Variants in BTRC observed in about 807,000 individuals in gnomAD.
BTRC encodes the protein F-box/WD repeat-containing protein 1A.
In BTRC, 42 loss-of-function variants were observed where a neutral mutation model predicts 85.5. The observed-to-expected ratio is 0.49, with a 90% CI of 0.38 to 0.64. The LOEUF is 0.64. Ranked by LOEUF, BTRC falls within the 30% of genes least tolerant of loss-of-function variation. BTRC has a pLI of 0.00. For missense variants in BTRC, 594 were observed against 743.5 expected (o/e 0.80, Z 2.34); for synonymous variants, 255 against 263.3 (o/e 0.97, Z 0.30).
intron 2 of BTRC, among the ~76,000 whole-genome samples, chr10:101,441,864 A>G (rs889110193): frequency 7.6e-6 from 1 of 131,518 alleles, no homozygotes; most frequent in African/African-American, 2.8e-5. Flanking sequence ...CCTGGGTGAC[A>G]GAGTGAGACT....
chr10:101,389,216 C>T (rs911444614), intron 1 of BTRC, among the ~76,000 whole-genome samples: 6 of 131,588 alleles, frequency 4.6e-5, no homozygotes, highest in African/African-American at 1.7e-4. Context: ...AACCTGGAAT[C>T]ATCATTGGCT....
At chr10:101,459,820 TGAGTATGGG>T (rs1179237947) in intron 2 of BTRC, among the ~76,000 whole-genome samples, 1 of 152,132 alleles carries the variant, frequency 6.6e-6, no homozygotes, top group Non-Finnish European at 1.5e-5. Context: ...AAGAAAATTG[TGAGTATGGG>T]CTAGTCAATA....
chr10:101,462,140 T>C, intron 3 of BTRC, 82 bp downstream of exon 3: 1 of 1,154,194 alleles, frequency 8.7e-7, no homozygotes, highest in Non-Finnish European at 1.3e-6. Context: ...TTTGCCATTC[T>C]TTAAGCACTG....
intron 1 of BTRC, among the ~76,000 whole-genome samples, chr10:101,426,184 G>A (rs1166351066): frequency 6.6e-6 from 1 of 152,168 alleles, no homozygotes; most frequent in African/African-American, 2.4e-5. Context: ...AAAAGTTATA[G>A]CCCACTCCAT....
chr10:101,483,317 G>A (rs768786854), intron 4 of BTRC, among the ~76,000 whole-genome samples: 3 of 152,140 alleles, frequency 2.0e-5, no homozygotes, highest in Admixed American at 6.5e-5. Flanking sequence ...AAAAATGGCC[G>A]GGCACGGTGG....
At chr10:101,495,543 G>T (rs1371384226) in intron 4 of BTRC, among the ~76,000 whole-genome samples, 5 of 152,220 alleles carry the variant, frequency 3.3e-5, no homozygotes, top group Non-Finnish European at 2.9e-5. Flanking sequence ...CTCTAACCTT[G>T]TTCAGAGTGG....
intron 6 of BTRC, among the ~76,000 whole-genome samples, chr10:101,529,159 G>T (rs922619863): frequency 1.3e-5 from 2 of 152,200 alleles, no homozygotes; most frequent in Non-Finnish European, 2.9e-5. Context: ...TCACATAGAA[G>T]TAGTCCCTGT....
At chr10:101,472,967 G>C (rs1945574610) in intron 3 of BTRC, among the ~76,000 whole-genome samples, 1 of 152,006 alleles carries the variant, frequency 6.6e-6, no homozygotes, top group Non-Finnish European at 1.5e-5. Context: ...ACTGGGGTTT[G>C]CTGATCTGAA....
intron 13 of BTRC, among the ~76,000 whole-genome samples, chr10:101,548,054 CA>C (rs1212054660): frequency 6.6e-6 from 1 of 152,178 alleles, no homozygotes; most frequent in Non-Finnish European, 1.5e-5. Flanking sequence ...AATACTACTA[CA>C]AACCTACCAA....
At chr10:101,496,097 A>G (rs1946253491) in intron 4 of BTRC, among the ~76,000 whole-genome samples, 1 of 151,926 alleles carries the variant, frequency 6.6e-6, no homozygotes, top group Middle Eastern at 3.2e-3. Context: ...TGTTATTGAT[A>G]TGTAATATTT....
intron 1 of BTRC, among the ~76,000 whole-genome samples, chr10:101,374,859 C>T (rs1035236938): frequency 1.3e-5 from 2 of 151,900 alleles, no homozygotes; most frequent in Non-Finnish European, 2.9e-5. Flanking sequence ...TCTGGACCAG[C>T]TGTACTCAAA....
intron 4 of BTRC, among the ~76,000 whole-genome samples, chr10:101,491,072 A>AC (rs1946118788): frequency 7.3e-6 from 1 of 137,426 alleles, no homozygotes; most frequent in African/African-American, 2.7e-5. Context: ...AAAAAAAAAA[A>AC]ACTCTCTTTT....
At chr10:101,385,988 G>T (rs1358171738) in intron 1 of BTRC, among the ~76,000 whole-genome samples, 1 of 152,090 alleles carries the variant, frequency 6.6e-6, no homozygotes, top group Non-Finnish European at 1.5e-5. Flanking sequence ...ATGAAATGTT[G>T]AGTATGTTGC....
At chr10:101,541,483 A>T (rs1423569647) in intron 13 of BTRC, among the ~76,000 whole-genome samples, 1 of 152,002 alleles carries the variant, frequency 6.6e-6, no homozygotes, top group Non-Finnish European at 1.5e-5. Context: ...GATGGTCTCG[A>T]TCTCCTGACC....
At chr10:101,532,784 G>A (rs3127243) in intron 8 of BTRC, among the ~76,000 whole-genome samples, 168 bp from the exon 9 acceptor site, 7,625 of 145,542 alleles carry the variant, frequency 0.052, 528 homozygotes, top group African/African-American at 0.16. Context: ...GTGTGTGTGT[G>A]TGTGTGCGCG....
At chr10:101,551,185 C>G (rs2062643644) in intron 14 of BTRC, 3 of 230,094 alleles carry the variant, frequency 1.3e-5, no homozygotes, top group African/African-American at 2.2e-5. Context: ...AGATTTGAAT[C>G]AGTTTGAAAA....
At chr10:101,374,976 TAC>T (rs1942751147) in intron 1 of BTRC, among the ~76,000 whole-genome samples, 1 of 152,200 alleles carries the variant, frequency 6.6e-6, no homozygotes, top group African/African-American at 2.4e-5. Context: ...GGCACAAAGC[TAC>T]AGAGGCCAGG....
chr10:101,484,819 T>A (rs1045428914), intron 4 of BTRC, among the ~76,000 whole-genome samples: 3 of 152,238 alleles, frequency 2.0e-5, no homozygotes, highest in African/African-American at 7.2e-5. Context: ...AGATGTAATA[T>A]TCTTTTTGAA....
intron 4 of BTRC, among the ~76,000 whole-genome samples, chr10:101,500,088 A>C (rs1453086272): frequency 6.6e-6 from 1 of 151,280 alleles, no homozygotes; most frequent in African/African-American, 2.4e-5. Context: ...TTGTGGCCCT[A>C]CTGTGGTTGT....
Sources: allele counts gnomAD v4.1 joint callset (sites outside exome capture counted in the v4.1 genomes callset), GRCh38; gene constraint gnomAD v4.1.1; transcripts MANE v1.5; gene names NCBI Gene and HGNC (gene_info 2026-07-23, HGNC 2026-07-21).